CTIF: variants seen among roughly 807,000 people sequenced by gnomAD.
CTIF encodes the protein cap binding complex dependent translation initiation factor.
CTIF carries 21 observed loss-of-function variants against 66.0 expected under a neutral mutation model. The observed-to-expected ratio is 0.32, with a 90% CI of 0.23 to 0.46. CTIF has a LOEUF of 0.46. CTIF is among the 20% of genes least tolerant of loss of function. The pLI is 1.00. For missense variants in CTIF, 739 were observed against 812.7 expected (o/e 0.91, Z 1.10); for synonymous variants, 345 against 326.4 (o/e 1.06, Z -0.62).
chr18:48,796,066 G>T (rs895718573), intron 9 of CTIF, among the ~76,000 whole-genome samples: 1 of 152,184 alleles, frequency 6.6e-6, no homozygotes, highest in Non-Finnish European at 1.5e-5. Flanking sequence ...CATGATCTCG[G>T]CTCACTGCAA....
Position 48,817,775 on chromosome 18 carries a change from C to CAA in CTIF, c.1527+411_1527+412dup, listed in dbSNP as rs112155073. Among the ~76,000 whole-genome samples the CAA allele has an allele frequency of 1.7e-4, 24 of 137,282 alleles. 1 individual carries two copies. The highest frequency in any genetic ancestry group is 7.2e-4 in the Admixed American group (10 of 13,902). The allele number at this position is 137,282 out of a possible 152,430, so 90.1% of individuals were successfully genotyped here. ...GGGCGACAGAGCGAGACTCGGTCTCCAAAAAAAAAAAAAGGGGGCCCATCC... is the reference window on the plus strand; with the variant it reads ...GGGCGACAGAGCGAGACTCGGTCTCCAAAAAAAAAAAAAAAGGGGGCCCATCC... On this transcript the variant is annotated intron_variant, in intron 10 of 11. Coordinates refer to ENST00000256413, the MANE Select transcript of CTIF (RefSeq NM_014772.3).
chr18:48,710,909 C>T (rs1209593525), intron 6 of CTIF, among the ~76,000 whole-genome samples: 2 of 152,124 alleles, frequency 1.3e-5, no homozygotes, highest in African/African-American at 4.8e-5. Flanking sequence ...GAGGTCAAGG[C>T]TGCAGTGAGC....
At chr18:48,615,665 T>A (rs1009771861) in intron 1 of CTIF, among the ~76,000 whole-genome samples, 8 of 152,194 alleles carry the variant, frequency 5.3e-5, no homozygotes, top group Non-Finnish European at 8.8e-5. Context: ...TTTGTCCCAT[T>A]GAGGGCAGCC....
intron 10 of CTIF, among the ~76,000 whole-genome samples, chr18:48,831,528 T>C (rs572156923): frequency 3.9e-5 from 6 of 152,236 alleles, no homozygotes; most frequent in African/African-American, 1.4e-4. Flanking sequence ...TAGGAGTATG[T>C]GCAGGGGGCA....
intron 9 of CTIF, among the ~76,000 whole-genome samples, chr18:48,803,991 GGCCCA>G (rs2068095174): frequency 6.6e-6 from 1 of 152,232 alleles, no homozygotes; most frequent in Admixed American, 6.5e-5. Context: ...TGTGTCCTAG[GGCCCA>G]CCTTCCATGT....
chr18:48,721,122 G>A (rs562452379), intron 7 of CTIF, among the ~76,000 whole-genome samples: 3 of 152,226 alleles, frequency 2.0e-5, no homozygotes, highest in Admixed American at 6.5e-5. Context: ...ACTCTTTCTC[G>A]ATCACAATAA....
At chr18:48,570,164 G>A (rs1043841696) in intron 1 of CTIF, among the ~76,000 whole-genome samples, 8 of 152,218 alleles carry the variant, frequency 5.3e-5, no homozygotes, top group African/African-American at 1.4e-4. Context: ...CACTCCCAGA[G>A]CTGTGGAGAG....
chr18:48,745,728 G>A (rs571398044), intron 7 of CTIF, among the ~76,000 whole-genome samples: 22 of 152,312 alleles, frequency 1.4e-4, no homozygotes, highest in East Asian at 5.8e-4. Flanking sequence ...GGTTATCAGC[G>A]TCCTGCTACA....
intron 1 of CTIF, among the ~76,000 whole-genome samples, chr18:48,546,362 G>A (rs1455977621): frequency 6.6e-6 from 1 of 152,156 alleles, no homozygotes; most frequent in Non-Finnish European, 1.5e-5. Context: ...CCCAGAGTTA[G>A]TCGTCTGGGG....
intron 6 of CTIF, among the ~76,000 whole-genome samples, chr18:48,679,353 ACT>A (rs1188290269): frequency 6.6e-6 from 1 of 152,166 alleles, no homozygotes; most frequent in Non-Finnish European, 1.5e-5. Flanking sequence ...CTTAAAAAAC[ACT>A]CTGCAGATGT....
At chr18:48,857,006 G>A (rs1042575952) in intron 10 of CTIF, among the ~76,000 whole-genome samples, 6 of 152,236 alleles carry the variant, frequency 3.9e-5, no homozygotes, top group African/African-American at 1.4e-4. Flanking sequence ...TGAGCGCTGA[G>A]CAGCCCAGCC....
At chr18:48,612,277 A>G (rs1028890241) in intron 1 of CTIF, among the ~76,000 whole-genome samples, 4 of 152,186 alleles carry the variant, frequency 2.6e-5, no homozygotes, top group Non-Finnish European at 5.9e-5. Flanking sequence ...GCAGGCTCCC[A>G]TGGCTTCCTC....
chr18:48,669,617 G>C (rs879883567), intron 5 of CTIF, among the ~76,000 whole-genome samples: 3 of 151,388 alleles, frequency 2.0e-5, no homozygotes, highest in Non-Finnish European at 4.4e-5. Flanking sequence ...AATGAAAGTA[G>C]TCATAGTAGT....
intron 7 of CTIF, among the ~76,000 whole-genome samples, chr18:48,743,536 G>A (rs2092571839): frequency 6.6e-6 from 1 of 152,134 alleles, no homozygotes; most frequent in Non-Finnish European, 1.5e-5. Flanking sequence ...ACAGTGTAAT[G>A]GTAATATGTC....
At chr18:48,715,254 A>G (rs1389771752) in intron 7 of CTIF, among the ~76,000 whole-genome samples, 1 of 152,216 alleles carries the variant, frequency 6.6e-6, no homozygotes, top group African/African-American at 2.4e-5. Flanking sequence ...CCATTTTGAA[A>G]AAAAAAAATT....
chr18:48,689,730 A>G (rs1479684740), intron 6 of CTIF, among the ~76,000 whole-genome samples: 1 of 152,180 alleles, frequency 6.6e-6, no homozygotes, highest in Non-Finnish European at 1.5e-5. Context: ...AGGTCACTGT[A>G]CACAGGAGAG....
chr18:48,617,614 G>T (rs1598746198), intron 1 of CTIF, among the ~76,000 whole-genome samples: 1 of 152,138 alleles, frequency 6.6e-6, no homozygotes, highest in South Asian at 2.1e-4. Context: ...GAGGTATAAG[G>T]TCCTGTAGGC....
intron 3 of CTIF, among the ~76,000 whole-genome samples, chr18:48,646,274 G>A (rs897378362): frequency 3.3e-5 from 5 of 152,054 alleles, no homozygotes; most frequent in Non-Finnish European, 7.4e-5. Context: ...CACTGAAGAC[G>A]TTTTTCCCTG....
At chr18:48,826,041 A>C (rs976900531) in intron 10 of CTIF, 3 of 152,240 alleles carry the variant, frequency 2.0e-5, no homozygotes, top group Non-Finnish European at 4.4e-5. Flanking sequence ...CTGAGTTTGA[A>C]TCCCAGCTGT....
Sources: allele counts gnomAD v4.1 joint callset (sites outside exome capture counted in the v4.1 genomes callset), GRCh38; gene constraint gnomAD v4.1.1; transcripts MANE v1.5; gene names NCBI Gene and HGNC (gene_info 2026-07-23, HGNC 2026-07-21).